The following LUZP2 variants were observed in gnomAD, a reference collection of about 807,000 sequenced individuals.
The protein encoded by LUZP2 is leucine zipper protein 2.
A neutral mutation model predicts 51.6 loss-of-function variants in LUZP2; 52 were observed. The ratio of observed to expected loss-of-function variants is 1.01; its 90% confidence interval spans 0.81 to 1.27. The LOEUF (loss-of-function observed/expected upper bound fraction) is 1.27. LUZP2 is among the 50% of genes most tolerant of loss of function. LUZP2 has a pLI of 0.00. For synonymous variants in LUZP2, 154 were observed against 137.3 expected (o/e 1.12, Z -0.85); for missense variants, 436 against 395.4 (o/e 1.10, Z -0.87).
At position 24,511,782 on chromosome 11, in the gene LUZP2, T is replaced by C. The variant is rs116130172; in HGVS notation, c.62+14477T>C. 7.9e-3 allele frequency among the ~76,000 whole-genome samples: 1,205 copies of C among 152,312 alleles called. 9 individuals carry two copies. Among genetic ancestry groups the C allele is most frequent in the African/African-American group, 0.027 (1,135 of 41,566 alleles). ...TCATACCTTTTGCTTTGTTGTTCTT[T>C]CTTGAACTTTTTCCGATGAGTGGAA... On this transcript the variant is annotated intron_variant, in intron 1 of 11. Coordinates refer to ENST00000336930, the MANE Select transcript of LUZP2 (RefSeq NM_001009909.4).
At chr11:24,656,005 C>T (rs771681209) in intron 1 of LUZP2, among the ~76,000 whole-genome samples, 19 of 152,060 alleles carry the variant, frequency 1.2e-4, no homozygotes, top group South Asian at 2.1e-4. Flanking sequence ...TACAAAATTG[C>T]GATTTGAACA....
intron 5 of LUZP2, among the ~76,000 whole-genome samples, chr11:24,818,482 C>T (rs771135823): frequency 6.6e-5 from 10 of 151,902 alleles, no homozygotes; most frequent in South Asian, 6.2e-4. Flanking sequence ...ATGTGAAGCA[C>T]GGCGGGGCTG....
At chr11:24,617,884 G>A (rs1854343684) in intron 1 of LUZP2, among the ~76,000 whole-genome samples, 1 of 151,834 alleles carries the variant, frequency 6.6e-6, no homozygotes, top group Non-Finnish European at 1.5e-5. Flanking sequence ...TAAAACACCT[G>A]GATCCTGGAT....
rs569625838 is a variant in LUZP2 at position 24,518,299 on chromosome 11, G to A, written c.62+20994G>A. 4.6e-5 allele frequency among the ~76,000 whole-genome samples: 7 copies of A among 152,234 alleles called. No individual in the cohort carries two copies. The East Asian group carries it at 1.4e-3, about 29-fold the overall frequency. ...AAAATCAGAATTTAAGCTCAGAGCT[G>A]CATGAATCTAACATCTAGGTTCTTA... On this transcript the variant is annotated intron_variant, in intron 1 of 11. Coordinates refer to ENST00000336930, the MANE Select transcript of LUZP2 (RefSeq NM_001009909.4).
At chr11:24,985,084 T>C (rs144497737) in intron 9 of LUZP2, among the ~76,000 whole-genome samples, 1 of 151,930 alleles carries the variant, frequency 6.6e-6, no homozygotes, top group East Asian at 1.9e-4. Flanking sequence ...ATTTTACTTA[T>C]TTGGAATTTA....
chr11:25,030,091 CGTTCCCAACCTTTGTGTGTTT>C (rs1857603088), intron 9 of LUZP2, among the ~76,000 whole-genome samples: 3 of 152,068 alleles, frequency 2.0e-5, no homozygotes, highest in Non-Finnish European at 4.4e-5. Context: ...TTGTGTTTAT[CGTTCCCAACCTTTGTGTGTTT>C]GCATATTTGT....
At chr11:24,602,166 G>GTATATGTGTATGTGTATATATGTATATA (rs1338367271) in intron 1 of LUZP2, among the ~76,000 whole-genome samples, 1 of 94,714 alleles carries the variant, frequency 1.1e-5, no homozygotes, top group Non-Finnish European at 2.0e-5. Flanking sequence ...ATGTATATAT[G>GTATATGTGTATGTGTATATATGTATATA]TGTATATATA....
At chr11:24,875,428 G>A in intron 5 of LUZP2, among the ~76,000 whole-genome samples, 1 of 142,304 alleles carries the variant, frequency 7.0e-6, no homozygotes, top group Admixed American at 7.2e-5. Flanking sequence ...CAAAGGACAT[G>A]AACTCATCCT....
chr11:24,888,577 G>A (rs774255478), intron 5 of LUZP2, among the ~76,000 whole-genome samples: 12 of 152,002 alleles, frequency 7.9e-5, no homozygotes, highest in East Asian at 3.9e-4. Context: ...AATATTACAC[G>A]ACATTTTTAG....
intron 1 of LUZP2, among the ~76,000 whole-genome samples, chr11:24,546,967 TGGTGGTGGTGGTGGTGG>T (rs1851568776): frequency 2.0e-4 from 1 of 4,992 alleles, no homozygotes; most frequent in Non-Finnish European, 5.9e-4. Context: ...TTGTTGTTGG[TGGTGGTGGTGGTGGTGG>T]TGGTGGTGGT....
At chr11:24,631,972 G>T (rs1854909483) in intron 1 of LUZP2, among the ~76,000 whole-genome samples, 1 of 151,994 alleles carries the variant, frequency 6.6e-6, no homozygotes, top group Non-Finnish European at 1.5e-5. Context: ...TGCTGCTGCT[G>T]CCTATTTCTG....
At chr11:24,581,670 A>AAAATAC (rs1214332476) in intron 1 of LUZP2, among the ~76,000 whole-genome samples, 2 of 137,084 alleles carry the variant, frequency 1.5e-5, no homozygotes, top group Non-Finnish European at 3.1e-5. Context: ...GACTCTGTCT[A>AAAATAC]AAATATAAAT....
intron 7 of LUZP2, among the ~76,000 whole-genome samples, chr11:24,920,905 T>G (rs1311337784): frequency 6.6e-6 from 1 of 152,002 alleles, no homozygotes; most frequent in Non-Finnish European, 1.5e-5. Context: ...TGCAATATAT[T>G]CATGTAACAA....
At chr11:24,914,121 T>A (rs1565098863) in intron 6 of LUZP2, among the ~76,000 whole-genome samples, 2 of 151,934 alleles carry the variant, frequency 1.3e-5, no homozygotes, top group African/African-American at 4.8e-5. Flanking sequence ...AAATAAGTAG[T>A]AAAAAAAATG....
At chr11:24,583,228 C>A (rs1176913544) in intron 1 of LUZP2, among the ~76,000 whole-genome samples, 1 of 151,898 alleles carries the variant, frequency 6.6e-6, no homozygotes. Flanking sequence ...TATATACATT[C>A]ATTCTCCTGG....
chr11:24,528,943 A>G (rs1353903076), intron 1 of LUZP2, among the ~76,000 whole-genome samples: 3 of 151,144 alleles, frequency 2.0e-5, no homozygotes, highest in East Asian at 3.9e-4. Context: ...AGGTGATCAG[A>G]TGGTAGAATG....
intron 5 of LUZP2, among the ~76,000 whole-genome samples, chr11:24,779,582 A>T (rs1849029931): frequency 6.6e-6 from 1 of 152,204 alleles, no homozygotes; most frequent in Admixed American, 6.6e-5. Context: ...GCCACAGGCT[A>T]AATATTACTC....
intron 10 of LUZP2, among the ~76,000 whole-genome samples, chr11:25,075,958 TGTCAGTGGGTCAGTG>T (rs1859287027): frequency 6.6e-6 from 1 of 151,870 alleles, no homozygotes; most frequent in Non-Finnish European, 1.5e-5. Context: ...ATTTTTTTGA[TGTCAGTGGGTCAGTG>T]GTCATGAATT....
intron 1 of LUZP2, among the ~76,000 whole-genome samples, chr11:24,698,193 G>A (rs1857306518): frequency 6.6e-6 from 1 of 152,150 alleles, no homozygotes; most frequent in Admixed American, 6.5e-5. Flanking sequence ...TGTGCAGTAG[G>A]CAAGAAGAAC....
Sources: gnomAD v4.1 joint callset for allele counts (sites outside exome capture counted in the v4.1 genomes callset) on GRCh38, gnomAD v4.1.1 for gene constraint, MANE v1.5 for transcripts, NCBI Gene and HGNC (gene_info 2026-07-23, HGNC 2026-07-21) for gene names.